The following AGL variants were observed in gnomAD, a reference collection of about 807,000 sequenced individuals.
AGL encodes the protein glycogen debranching enzyme.
Under a neutral mutation model 199.3 loss-of-function variants are expected in AGL, and 128 were observed. The observed-to-expected ratio is 0.64, with a 90% confidence interval of 0.56 to 0.74. The LOEUF (loss-of-function observed/expected upper bound fraction) is 0.74. Ranked by LOEUF, AGL falls within the 30% of genes least tolerant of loss-of-function variation. The pLI, the probability that AGL is intolerant of heterozygous loss-of-function variation, is 0.00. For missense variants in AGL, 1,809 were observed against 1,820.8 expected, an observed-to-expected ratio of 0.99 and a Z score of 0.12; for synonymous variants, 584 against 594.7, an observed-to-expected ratio of 0.98 and a Z score of 0.26.
chr1:99,853,201 G>C (rs1649123352), intron 2 of AGL, among the ~76,000 whole-genome samples: 1 of 152,124 alleles, frequency 6.6e-6, no homozygotes, highest in Non-Finnish European at 1.5e-5. Flanking sequence ...AAATACCTCT[G>C]TCTGACTTCT....
intron 21 of AGL, among the ~76,000 whole-genome samples, chr1:99,888,949 A>G (rs1029794716): frequency 6.6e-5 from 10 of 152,146 alleles, no homozygotes; most frequent in African/African-American, 2.4e-4. Flanking sequence ...CCCTTGAAAT[A>G]TATTGCCTTA....
intron 11 of AGL, among the ~76,000 whole-genome samples, chr1:99,877,101 T>C (rs897358003): frequency 6.6e-6 from 1 of 152,204 alleles, no homozygotes; most frequent in Non-Finnish European, 1.5e-5. Context: ...CCCATTGATA[T>C]ATTTATTTTT....
chr1:99,921,212 A>G (rs1231606260), intron 33 of AGL, among the ~76,000 whole-genome samples: 1 of 152,134 alleles, frequency 6.6e-6, no homozygotes, highest in Non-Finnish European at 1.5e-5. Context: ...GCATAATTAC[A>G]ATTTGAGTCT....
intron 12 of AGL, among the ~76,000 whole-genome samples, chr1:99,878,630 A>G (rs1225735754): frequency 6.6e-6 from 1 of 152,056 alleles, no homozygotes; most frequent in African/African-American, 2.4e-5. Flanking sequence ...GGCACTGCTT[A>G]TAAGATTTTT....
At position 99,874,507 on chromosome 1, in the gene AGL, GCACGTGCACA is replaced by G. The variant is rs200934829; in HGVS notation, c.959-167_959-158del. On this transcript the variant is annotated intron_variant, in intron 7 of 33. Coordinates refer to ENST00000361915, the MANE Select transcript of AGL (RefSeq NM_000642.3). Reference sequence around the variant, plus strand: ...CCCTCGTGTGTGTTTGCGCGTGCACGCACGTGCACACACGTGCACACAGCAGGATGAGAAG... The same window carrying G: ...CCCTCGTGTGTGTTTGCGCGTGCACGCACGTGCACACAGCAGGATGAGAAG... The G allele has an allele frequency of 3.8e-3, 2,346 of 611,534 alleles. 20 individuals are homozygous for G. The highest frequency in any genetic ancestry group is 0.032 in the Admixed American group (1,117 of 35,100). 37.9% of individuals were successfully genotyped at this position (611,534 alleles called of 1,614,324 possible).
chr1:99,885,105 G>T (rs1178277489), intron 20 of AGL, among the ~76,000 whole-genome samples: 2 of 151,950 alleles, frequency 1.3e-5, no homozygotes, highest in Non-Finnish European at 2.9e-5. Context: ...TCCATTTTTG[G>T]ACATCTAGAT....
At chr1:99,874,936 C>G in intron 8 of AGL, 126 bp downstream of exon 8, 1 of 1,255,944 alleles carries the variant, frequency 8.0e-7, no homozygotes, top group South Asian at 1.3e-5. Flanking sequence ...CACTGTAATT[C>G]TACTATTTCA....
chr1:99,916,481 A>C lies in AGL; in HGVS notation c.4331A>C (p.Asn1444Thr). The change falls in exon 32 of 34, where the codon AAT becomes ACT. Residue 1444 changes from asparagine to threonine, a missense_variant. By Grantham distance (65) the Asn-to-Thr change is moderately conservative. Coordinates refer to ENST00000361915, the MANE Select transcript of AGL (RefSeq NM_000642.3). Reference sequence around the variant, plus strand: ...AACTACAATCTTGCTAAAGGTTTCAATTATCACCAAGGACCTGTAAGAATT... The same window carrying C: ...AACTACAATCTTGCTAAAGGTTTCACTTATCACCAAGGACCTGTAAGAATT... ...NDNYNLAKGFNYHQGPEWLWP... is the reference protein window; with the variant it reads ...NDNYNLAKGFTYHQGPEWLWP... 1 of 1,611,942 alleles carries C rather than the reference A, an allele frequency of 6.2e-7. No homozygotes were observed. Among genetic ancestry groups the C allele is most frequent in the Non-Finnish European group, 8.5e-7 (1 of 1,178,494 alleles).
At chr1:99,906,329 G>A (rs908531922) in intron 27 of AGL, among the ~76,000 whole-genome samples, 9 of 152,178 alleles carry the variant, frequency 5.9e-5, no homozygotes, top group African/African-American at 1.4e-4. Flanking sequence ...TTGAAGTTCA[G>A]CCATGTTGTA....
Position 99,864,521 on chromosome 1 carries a change from A to T in AGL, c.596A>T (p.Gln199Leu), listed in dbSNP as rs1166556345. The T allele has an allele frequency of 1.2e-6, 2 of 1,613,856 alleles. No homozygotes were observed. Among genetic ancestry groups the T allele is most frequent in the African/African-American group, 2.7e-5 (2 of 74,924 alleles). Residue 199 changes from glutamine (Q) to leucine (L), a missense_variant, in exon 5 of 34, where the codon CAG becomes CTG. Gln to Leu is a moderately radical substitution (Grantham distance 113). Coordinates refer to ENST00000361915, the MANE Select transcript of AGL (RefSeq NM_000642.3). ...NRKYTWNDVGQLVEKLKKEWN... is the reference protein window; with the variant it reads ...NRKYTWNDVGLLVEKLKKEWN... Reference sequence around the variant, plus strand: ...AAGTATACCTGGAATGATGTTGGACAGCTAGTGGAAAAATTAAAAAAGGAA... The same window carrying T: ...AAGTATACCTGGAATGATGTTGGACTGCTAGTGGAAAAATTAAAAAAGGAA...
At chr1:99,857,847 A>AGAGGGAGACCGTGGGGAGGGGGGGGG in intron 2 of AGL, among the ~76,000 whole-genome samples, 1 of 8,248 alleles carries the variant, frequency 1.2e-4, no homozygotes, top group Admixed American at 1.1e-3. Flanking sequence ...GGGGAGGGGG[A>AGAGGGAGACCGTGGGGAGGGGGGGGG]GGGGGGAAGA....
At chr1:99,850,706 T>G (rs548120281) in intron 1 of AGL, 9 of 300,934 alleles carry the variant, frequency 3.0e-5, no homozygotes, top group African/African-American at 1.3e-4. Flanking sequence ...CTAAGTGTAT[T>G]GCTTTTCTCT....
intron 12 of AGL, among the ~76,000 whole-genome samples, chr1:99,879,410 C>A (rs2101142815): frequency 6.6e-6 from 1 of 152,182 alleles, no homozygotes; most frequent in East Asian, 1.9e-4. Context: ...CATGGAGAAA[C>A]CCCATCTCTA....
chr1:99,909,851 A>G (rs67893284), intron 27 of AGL, among the ~76,000 whole-genome samples: 20,655 of 151,986 alleles, frequency 0.14, 1,501 homozygotes, highest in Middle Eastern at 0.17. Context: ...TCATACCAGA[A>G]GTTTTTGAAC....
intron 25 of AGL, among the ~76,000 whole-genome samples, chr1:99,899,907 A>G (rs112185493): frequency 0.013 from 2,005 of 151,174 alleles, 52 homozygotes; most frequent in African/African-American, 0.046. Flanking sequence ...GGCCTGAGCC[A>G]CCACGCCCGG....
At chr1:99,902,425 A>G (rs1239654708) in intron 26 of AGL, among the ~76,000 whole-genome samples, 1 of 152,196 alleles carries the variant, frequency 6.6e-6, no homozygotes, top group Non-Finnish European at 1.5e-5. Context: ...GTAGAAGCTC[A>G]CTAGATTTGT....
At chr1:99,856,371 CCTCCCTTCCTCCCTCCCTCCCT>C (rs1649453750) in intron 2 of AGL, among the ~76,000 whole-genome samples, 2 of 133,214 alleles carry the variant, frequency 1.5e-5, no homozygotes, top group Non-Finnish European at 3.2e-5. Context: ...TCCCTTCCTT[CCTCCCTTCCTCCCTCCCTCCCT>C]CCTTCCTTCT....
intron 12 of AGL, 107 bp downstream of exon 12, chr1:99,877,935 C>G: frequency 1.9e-6 from 2 of 1,080,374 alleles, no homozygotes; most frequent in Non-Finnish European, 2.8e-6. Context: ...TAGTTGGACA[C>G]AAGCATTGAT....
Position 99,891,265 on chromosome 1 carries a change from G to A in AGL, c.2858G>A (p.Gly953Glu). 10 of 1,613,556 alleles carry A rather than the reference G, an allele frequency of 6.2e-6. No individual in the cohort carries two copies. Among genetic ancestry groups the A allele is most frequent in the Non-Finnish European group, 8.5e-6 (10 of 1,179,690 alleles). ...LAEIRPKNDL[G>E]HPFCNNLRSG... ...GAAATAAGACCAAAGAATGACTTGGGGCATCCTTTTTGTAATAATTTGAGA... is the reference window on the plus strand; with the variant it reads ...GAAATAAGACCAAAGAATGACTTGGAGCATCCTTTTTGTAATAATTTGAGA... The change falls in exon 22 of 34, where the codon GGG becomes GAG. Residue 953 changes from glycine to glutamate, a missense_variant. Transcript: ENST00000361915.
Sources: allele counts gnomAD v4.1 joint callset (sites outside exome capture counted in the v4.1 genomes callset), GRCh38; gene constraint gnomAD v4.1.1; transcripts MANE v1.5; gene names NCBI Gene and HGNC (gene_info 2026-07-23, HGNC 2026-07-21).